The following POU6F2 variants were observed in gnomAD, a reference collection of about 807,000 sequenced individuals.
The protein encoded by POU6F2 is POU class 6 homeobox 2, also known as POU domain, class 6, transcription factor 2.
POU6F2 carries 31 observed loss-of-function variants against 71.3 expected under a neutral mutation model. The ratio of observed to expected loss-of-function variants is 0.43; its 90% confidence interval spans 0.33 to 0.59. The LOEUF (loss-of-function observed/expected upper bound fraction) is 0.59, where lower values mean the gene tolerates loss of function less well. POU6F2 is among the 20% of genes least tolerant of loss of function. The probability of loss-of-function intolerance (pLI) is 0.04; values close to 1 mark genes in which losing one functional copy is unlikely to be tolerated. For synonymous variants in POU6F2, 347 were observed against 355.7 expected, an observed-to-expected ratio of 0.98 and a Z score of 0.27; for missense variants, 783 against 856.8, an observed-to-expected ratio of 0.91 and a Z score of 1.07.
At chr7:39,264,083 G>A (rs1026760966) in intron 4 of POU6F2, among the ~76,000 whole-genome samples, 1 of 152,228 alleles carries the variant, frequency 6.6e-6, no homozygotes, top group African/African-American at 2.4e-5. Context: ...CAAAATGGAA[G>A]TCCAGGCCTC....
chr7:39,001,077 T>C lies in POU6F2; in HGVS notation c.105+23019T>C, dbSNP rs555974648. 2.0e-5 allele frequency among the ~76,000 whole-genome samples: 3 copies of C among 152,312 alleles called. No homozygotes were observed. The South Asian group carries it at 6.2e-4, about 32-fold the overall frequency. ...GGAAGATGAGAGAGATGTTTTTGAGTGAATAGTTCCTTACCTTTTAACCTG... is the reference window on the plus strand; with the variant it reads ...GGAAGATGAGAGAGATGTTTTTGAGCGAATAGTTCCTTACCTTTTAACCTG... On this transcript the variant is annotated intron_variant, in intron 1 of 9. Transcript: ENST00000518318.
intron 4 of POU6F2, among the ~76,000 whole-genome samples, chr7:39,262,632 T>G (rs1170027254): frequency 6.6e-6 from 1 of 152,196 alleles, no homozygotes; most frequent in Admixed American, 6.5e-5. Context: ...CTGGGGAAAC[T>G]TTAAAGTTAT....
chr7:39,196,761 GAA>G (rs895522103), intron 2 of POU6F2, among the ~76,000 whole-genome samples: 1 of 141,438 alleles, frequency 7.1e-6, no homozygotes. Context: ...TCCATCTCAA[GAA>G]AAAAAAAAAG....
chr7:39,327,764 A>C (rs1489276989), intron 4 of POU6F2, among the ~76,000 whole-genome samples: 2 of 151,880 alleles, frequency 1.3e-5, no homozygotes, highest in African/African-American at 4.8e-5. Flanking sequence ...GTCATGTCTG[A>C]CAACAAAGAC....
At chr7:39,114,098 T>C (rs4723824) in intron 2 of POU6F2, among the ~76,000 whole-genome samples, 40,220 of 152,048 alleles carry the variant, frequency 0.26, 5,724 homozygotes, top group East Asian at 0.56. Flanking sequence ...CATGTACCTA[T>C]AGGTAAACAT....
chr7:39,301,962 A>G (rs1193911721), intron 4 of POU6F2, among the ~76,000 whole-genome samples: 2 of 152,096 alleles, frequency 1.3e-5, no homozygotes, highest in African/African-American at 4.8e-5. Flanking sequence ...AAAAAAAAAG[A>G]ATTCTTCCTC....
intron 4 of POU6F2, among the ~76,000 whole-genome samples, chr7:39,320,208 G>A (rs1222452383): frequency 6.6e-6 from 1 of 152,298 alleles, no homozygotes; most frequent in African/African-American, 2.4e-5. Context: ...AGTGGCCAGA[G>A]TTCCCTCAAC....
At chr7:39,453,460 G>A (rs1013012932) in intron 8 of POU6F2, among the ~76,000 whole-genome samples, 4 of 152,230 alleles carry the variant, frequency 2.6e-5, no homozygotes, top group African/African-American at 9.6e-5. Flanking sequence ...AAGAACCAAA[G>A]TTAAGCATCT....
chr7:39,428,587 C>A (rs1401918068), intron 6 of POU6F2, among the ~76,000 whole-genome samples: 1 of 152,106 alleles, frequency 6.6e-6, no homozygotes, highest in African/African-American at 2.4e-5. Flanking sequence ...TGAATTGAAG[C>A]AAAAGTTAGT....
At chr7:39,373,540 A>G (rs1361722076) in intron 5 of POU6F2, 1 of 456,584 alleles carries the variant, frequency 2.2e-6, no homozygotes. Flanking sequence ...TTGGTACTTC[A>G]CTTCAGAAAT....
intron 4 of POU6F2, among the ~76,000 whole-genome samples, chr7:39,317,025 G>A (rs376952574): frequency 4.6e-5 from 7 of 152,188 alleles, no homozygotes; most frequent in African/African-American, 1.2e-4. Flanking sequence ...AGACTCTGAT[G>A]TTCTTCCCAA....
intron 7 of POU6F2, among the ~76,000 whole-genome samples, chr7:39,434,281 C>T (rs1788178738): frequency 6.6e-6 from 1 of 151,790 alleles, no homozygotes; most frequent in Non-Finnish European, 1.5e-5. Flanking sequence ...GTGATTGGAG[C>T]AGAGAGGAGG....
intron 5 of POU6F2, among the ~76,000 whole-genome samples, chr7:39,343,072 C>T (rs1044568633): frequency 6.6e-6 from 1 of 152,162 alleles, no homozygotes; most frequent in Non-Finnish European, 1.5e-5. Flanking sequence ...CCCATGGCTT[C>T]GTTCTTGCCC....
intron 6 of POU6F2, among the ~76,000 whole-genome samples, chr7:39,422,536 G>A (rs868347425): frequency 1.3e-5 from 2 of 152,198 alleles, no homozygotes; most frequent in South Asian, 2.1e-4. Flanking sequence ...CAGATGGGAA[G>A]TTTTTGGGAG....
chr7:39,321,635 G>C (rs1037973132), intron 4 of POU6F2, among the ~76,000 whole-genome samples: 2 of 152,204 alleles, frequency 1.3e-5, no homozygotes, highest in Admixed American at 6.5e-5. Flanking sequence ...TTGCATGTCT[G>C]TTTTCCCAGA....
chr7:39,459,487 T>C (rs533002099), intron 8 of POU6F2, among the ~76,000 whole-genome samples: 2 of 138,070 alleles, frequency 1.4e-5, no homozygotes, highest in East Asian at 2.5e-4. Flanking sequence ...TGTTTTGTTT[T>C]GTTTTGTTTC....
chr7:39,454,710 AT>A (rs1452357801), intron 8 of POU6F2, among the ~76,000 whole-genome samples: 11 of 87,804 alleles, frequency 1.3e-4, no homozygotes, highest in African/African-American at 3.0e-4. Flanking sequence ...ATATATATAT[AT>A]ATATATATAT....
chr7:39,129,180 C>G (rs2128729111), intron 2 of POU6F2, among the ~76,000 whole-genome samples: 1 of 152,262 alleles, frequency 6.6e-6, no homozygotes, highest in South Asian at 2.1e-4. Context: ...GTCTGGCCAT[C>G]ATTTCTCTGC....
intron 2 of POU6F2, among the ~76,000 whole-genome samples, chr7:39,180,019 A>G (rs1223531287): frequency 6.6e-6 from 1 of 152,230 alleles, no homozygotes; most frequent in Non-Finnish European, 1.5e-5. Flanking sequence ...AGGGATCAAT[A>G]GTAGCAGAAG....
Sources: gnomAD v4.1 joint callset for allele counts (sites outside exome capture counted in the v4.1 genomes callset) on GRCh38, gnomAD v4.1.1 for gene constraint, MANE v1.5 for transcripts, NCBI Gene and HGNC (gene_info 2026-07-23, HGNC 2026-07-21) for gene names.